The following EARS2 variants were observed in gnomAD, a reference collection of about 807,000 sequenced individuals.
The protein encoded by EARS2 is glutamyl-tRNA synthetase 2, mitochondrial.
EARS2 carries 50 observed loss-of-function variants against 54.1 expected under a neutral mutation model. The observed-to-expected ratio is 0.92, with a 90% CI of 0.74 to 1.17. The LOEUF is 1.17. EARS2 is among the 50% of genes most tolerant of loss of function. EARS2 has a pLI of 0.00. For synonymous variants in EARS2, 298 were observed against 281.0 expected (o/e 1.06, Z -0.61); for missense variants, 673 against 675.0 (o/e 1.00, Z 0.03).
chr16:23,552,643 C>T (rs990080217), intron 1 of EARS2, among the ~76,000 whole-genome samples: 8 of 152,242 alleles, frequency 5.3e-5, no homozygotes, highest in Non-Finnish European at 1.0e-4. Context: ...GTGTGTGCCA[C>T]CACGTCCAGC....
intron 1 of EARS2, among the ~76,000 whole-genome samples, chr16:23,553,972 AT>A (rs1473799514): frequency 2.6e-5 from 4 of 151,902 alleles, no homozygotes; most frequent in Non-Finnish European, 4.4e-5. Context: ...TACATTTTAA[AT>A]TTCATCTACT....
intron 4 of EARS2, among the ~76,000 whole-genome samples, chr16:23,533,736 C>T (rs982719652): frequency 6.6e-6 from 1 of 152,090 alleles, no homozygotes; most frequent in Non-Finnish European, 1.5e-5. Context: ...TAGAAGCTTC[C>T]TAGCTGATTC....
chr16:23,532,494 A>G (rs1965342573), intron 5 of EARS2, 163 bp downstream of exon 5: 1 of 551,186 alleles, frequency 1.8e-6, no homozygotes, highest in African/African-American at 1.9e-5. Flanking sequence ...TACTGTTATT[A>G]ATCCCATTTT....
chr16:23,532,907 A>G, intron 4 of EARS2, 142 bp from the exon 5 acceptor site: 1 of 536,310 alleles, frequency 1.9e-6, no homozygotes, highest in Non-Finnish European at 3.3e-6. Flanking sequence ...TGTAACCTCA[A>G]ACTCCCAGGC....
At position 23,521,491 on chromosome 16, in the gene EARS2, T is replaced by C. The variant is rs1965141941; in HGVS notation, c.*2880A>G. Among the ~76,000 whole-genome samples the C allele has an allele frequency of 6.6e-6, 1 of 151,968 alleles. No homozygotes were observed. The highest frequency in any genetic ancestry group is 2.1e-4 in the South Asian group (1 of 4,818). On this transcript the variant is annotated 3_prime_UTR_variant, in exon 9 of 9. Transcript: ENST00000449606. ...CATAGCTCACTGCAGCCTTAACGCC[T>C]CAGCTCAAGTGATCCTCCTACCTTA...
At chr16:23,550,435 C>CTTTTTTTTT (rs34422725) in intron 2 of EARS2, among the ~76,000 whole-genome samples, 2 of 100,614 alleles carry the variant, frequency 2.0e-5, no homozygotes, top group African/African-American at 3.9e-5. Context: ...AGCACATGGT[C>CTTTTTTTTT]TTTTTTTTTT....
chr16:23,526,362 T>C (rs576859371), intron 7 of EARS2, among the ~76,000 whole-genome samples: 2 of 152,280 alleles, frequency 1.3e-5, no homozygotes, highest in East Asian at 1.9e-4. Context: ...TCCACTCACC[T>C]TGGCCTCCCA....
At chr16:23,552,495 C>T (rs752951602) in intron 1 of EARS2, among the ~76,000 whole-genome samples, 191 bp from the exon 2 acceptor site, 2 of 151,994 alleles carry the variant, frequency 1.3e-5, no homozygotes, top group Non-Finnish European at 2.9e-5. Context: ...CAGGAGGTTC[C>T]TGTAGGTTTT....
At chr16:23,530,552 A>G (rs951308948) in intron 5 of EARS2, among the ~76,000 whole-genome samples, 1 of 151,128 alleles carries the variant, frequency 6.6e-6, no homozygotes, top group East Asian at 2.0e-4. Flanking sequence ...TTCCCAGGTC[A>G]CCTGCCACTC....
chr16:23,529,516 G>A lies in EARS2; in HGVS notation c.1338C>T (p.Ala446=), dbSNP rs753537887. 2.5e-5 allele frequency: 41 copies of A among 1,613,978 alleles called. No homozygotes were observed. Among genetic ancestry groups the A allele is most frequent in the Admixed American group, 1.3e-4 (8 of 59,986 alleles). Residue 446 remains alanine (A), a synonymous_variant, in exon 7 of 9, where the codon GCC becomes GCT. Transcript: ENST00000449606. ...CGGGTACTCACCCCAGCACACGCTT[G>A]GCAATCACATCCACCTTCTCCGAGA... ...DAISEKVDVI[A]KRVLGLLERS...
At chr16:23,542,598 G>A (rs1478753395) in intron 3 of EARS2, among the ~76,000 whole-genome samples, 1 of 151,872 alleles carries the variant, frequency 6.6e-6, no homozygotes, top group Non-Finnish European at 1.5e-5. Flanking sequence ...ACAGGCGTGA[G>A]CCACCACGTC....
At chr16:23,540,339 G>A (rs537114323) in intron 3 of EARS2, among the ~76,000 whole-genome samples, 2 of 152,204 alleles carry the variant, frequency 1.3e-5, no homozygotes, top group East Asian at 3.9e-4. Context: ...TCTGTCAAGA[G>A]ACAAATACAT....
chr16:23,555,211 T>C (rs1176203440), intron 1 of EARS2, among the ~76,000 whole-genome samples: 3 of 152,108 alleles, frequency 2.0e-5, no homozygotes, highest in Admixed American at 6.6e-5. Context: ...CTAGGCCAGG[T>C]GTGATGGCTC....
chr16:23,552,044 G>A (rs1965704473), intron 2 of EARS2, 105 bp downstream of exon 2: 1 of 1,426,340 alleles, frequency 7.0e-7, no homozygotes, highest in Non-Finnish European at 9.5e-7. Flanking sequence ...CACTTCTCCA[G>A]GAACTCCCCA....
chr16:23,528,744 T>TA (rs1324490110), intron 7 of EARS2, among the ~76,000 whole-genome samples: 1 of 152,100 alleles, frequency 6.6e-6, no homozygotes, highest in African/African-American at 2.4e-5. Flanking sequence ...CTACAAAAAA[T>TA]AAAAAAATTA....
At position 23,556,714 on chromosome 16, in the gene EARS2, T is replaced by G. The variant is rs2234422; in HGVS notation, c.139+491A>C. On this transcript the variant is annotated intron_variant, in intron 1 of 8. Transcript: ENST00000449606. ...AGCGTGCTCCTTCTTGTCATTTGGA[T>G]CTCAGCTCAAATGTTACCTGCTCAG... is the stretch of plus-strand genomic sequence containing the variant. The G allele has an allele frequency of 5.6e-3, 2,000 of 358,146 alleles. 11 individuals are homozygous for G. Among genetic ancestry groups the G allele is most frequent in the Non-Finnish European group, 8.4e-3 (1,543 of 183,688 alleles). 22.2% of individuals were successfully genotyped at this position (358,146 alleles called of 1,614,324 possible).
At chr16:23,543,244 T>G (rs1965545159) in intron 3 of EARS2, among the ~76,000 whole-genome samples, 1 of 149,904 alleles carries the variant, frequency 6.7e-6, no homozygotes, top group Non-Finnish European at 1.5e-5. Flanking sequence ...CATAGTGAGA[T>G]CCCCATCTTT....
intron 2 of EARS2, among the ~76,000 whole-genome samples, chr16:23,549,073 C>G (rs1017440769): frequency 1.3e-5 from 2 of 152,154 alleles, no homozygotes; most frequent in African/African-American, 4.8e-5. Flanking sequence ...ACTCGCCAAG[C>G]TGCGGGTGAC....
At chr16:23,541,544 AAG>A (rs1965511965) in intron 3 of EARS2, among the ~76,000 whole-genome samples, 1 of 152,160 alleles carries the variant, frequency 6.6e-6, no homozygotes, top group Non-Finnish European at 1.5e-5. Flanking sequence ...AATAAGGAAA[AAG>A]AGAAAATAAT....
Sources: gnomAD v4.1 joint callset for allele counts (sites outside exome capture counted in the v4.1 genomes callset) on GRCh38, gnomAD v4.1.1 for gene constraint, MANE v1.5 for transcripts, NCBI Gene and HGNC (gene_info 2026-07-23, HGNC 2026-07-21) for gene names.